The following NEK1 variants were observed in gnomAD, a reference collection of about 807,000 sequenced individuals.
The protein encoded by NEK1 is NIMA related kinase 1, also known as serine/threonine-protein kinase Nek1.
Under a neutral mutation model 182.1 loss-of-function variants are expected in NEK1, and 137 were observed. The observed-to-expected ratio is 0.75, with a 90% CI of 0.65 to 0.87. NEK1 has a LOEUF of 0.87. Ranked by LOEUF, NEK1 falls within the 40% of genes least tolerant of loss-of-function variation. NEK1 has a pLI of 0.00. For synonymous variants in NEK1, 513 were observed against 492.2 expected (o/e 1.04, Z -0.56); for missense variants, 1,391 against 1,494.4 (o/e 0.93, Z 1.14).
chr4:169,400,021 G>T, intron 35 of NEK1: 1 of 590,356 alleles, frequency 1.7e-6, no homozygotes, highest in Non-Finnish European at 3.0e-6. Flanking sequence ...TTAAAAATAT[G>T]GACTTAAAGG....
At chr4:169,514,128 G>A (rs1754686774) in intron 19 of NEK1, among the ~76,000 whole-genome samples, 1 of 152,000 alleles carries the variant, frequency 6.6e-6, no homozygotes, top group South Asian at 2.1e-4. Context: ...TGGGACTACA[G>A]GCGCCTGCCA....
rs191574224 is a variant in NEK1, at chr4:169,508,602, C to T, written c.1749+167G>A. Among the ~76,000 whole-genome samples, 117 of 151,976 alleles carry T rather than the reference C, an allele frequency of 7.7e-4. 2 individuals carry two copies. Among genetic ancestry groups the T allele is most frequent in the African/African-American group, 2.7e-3 (113 of 41,476 alleles). ...TGAAATCATAATATTGAATAAGTTA[C>T]GGGGCAAAATTATAACACAGAATGT... is the stretch of plus-strand genomic sequence containing the variant. On this transcript the variant is annotated intron_variant, in intron 20 of 35. Coordinates refer to ENST00000507142, the MANE Select transcript of NEK1 (RefSeq NM_001199397.3).
At chr4:169,545,216 A>G (rs1372469005) in intron 18 of NEK1, among the ~76,000 whole-genome samples, 1 of 63,790 alleles carries the variant, frequency 1.6e-5, no homozygotes, top group Admixed American at 2.4e-4. Context: ...CCCCCACCCC[A>G]CCACAGTCCC....
intron 19 of NEK1, among the ~76,000 whole-genome samples, chr4:169,522,939 G>A (rs539070436): frequency 2.0e-5 from 3 of 152,222 alleles, no homozygotes; most frequent in South Asian, 2.1e-4. Flanking sequence ...CAAGATATAC[G>A]GGAGACAGAA....
At chr4:169,466,427 G>A (rs1744932796) in intron 26 of NEK1, among the ~76,000 whole-genome samples, 1 of 146,968 alleles carries the variant, frequency 6.8e-6, no homozygotes, top group Non-Finnish European at 1.5e-5. Flanking sequence ...AGAGAAAAAA[G>A]ACACAGAGGA....
intron 5 of NEK1, among the ~76,000 whole-genome samples, chr4:169,594,092 G>T (rs545818671): frequency 6.6e-6 from 1 of 151,990 alleles, no homozygotes; most frequent in Non-Finnish European, 1.5e-5. Context: ...TTCGAAAATG[G>T]GATTCTCTTG....
intron 23 of NEK1, among the ~76,000 whole-genome samples, chr4:169,496,879 T>C (rs975334333): frequency 4.6e-5 from 7 of 152,194 alleles, no homozygotes; most frequent in Non-Finnish European, 8.8e-5. Flanking sequence ...TTTTGTTGTG[T>C]CTCTGCCAGG....
intron 23 of NEK1, among the ~76,000 whole-genome samples, chr4:169,482,494 T>C (rs1748241197): frequency 6.6e-6 from 1 of 151,640 alleles, no homozygotes; most frequent in South Asian, 2.1e-4. Flanking sequence ...TTTTTTTTTT[T>C]AGAGACAGGT....
intron 19 of NEK1, among the ~76,000 whole-genome samples, chr4:169,515,453 T>G (rs1186321197): frequency 6.6e-6 from 1 of 152,188 alleles, no homozygotes; most frequent in South Asian, 2.1e-4. Context: ...CTCTATATTT[T>G]AAAGTATGGT....
chr4:169,446,750 G>C (rs1288747633), intron 27 of NEK1, among the ~76,000 whole-genome samples: 1 of 152,104 alleles, frequency 6.6e-6, no homozygotes, highest in South Asian at 2.1e-4. Flanking sequence ...CTGGAGCTGA[G>C]AAATGCAACT....
chr4:169,585,141 A>C (rs1767322069), intron 10 of NEK1, among the ~76,000 whole-genome samples: 1 of 152,248 alleles, frequency 6.6e-6, no homozygotes, highest in East Asian at 1.9e-4. Context: ...GTGAGCTATG[A>C]TTTTGCCATT....
At chr4:169,555,887 T>C in intron 17 of NEK1, 36 bp from the exon 18 acceptor site, 1 of 1,613,536 alleles carries the variant, frequency 6.2e-7, no homozygotes, top group Non-Finnish European at 8.5e-7. Flanking sequence ...TTCATTACTA[T>C]CTCAGAAGCA....
intron 12 of NEK1, chr4:169,576,493 T>A (rs1480987471): frequency 6.5e-6 from 1 of 154,662 alleles, no homozygotes; most frequent in Non-Finnish European, 1.4e-5. Context: ...ATTCTACAGG[T>A]CTTCATTTTT....
At chr4:169,603,705 C>CTTTT (rs1311075135) in intron 2 of NEK1, among the ~76,000 whole-genome samples, 2 of 123,656 alleles carry the variant, frequency 1.6e-5, no homozygotes, top group African/African-American at 7.9e-5. Context: ...ATTTATTGAA[C>CTTTT]ATTTTTTTTT....
chr4:169,497,399 T>TC (rs1395526524), intron 23 of NEK1, among the ~76,000 whole-genome samples: 1 of 152,118 alleles, frequency 6.6e-6, no homozygotes, highest in African/African-American at 2.4e-5. Context: ...TGTGTCTCTA[T>TC]TTCCTTCAGT....
chr4:169,497,785 T>A (rs753599448), intron 23 of NEK1, among the ~76,000 whole-genome samples: 5 of 152,222 alleles, frequency 3.3e-5, no homozygotes, highest in Non-Finnish European at 7.3e-5. Context: ...TGTTATAATT[T>A]CTGTTCTTTT....
intron 2 of NEK1, among the ~76,000 whole-genome samples, chr4:169,611,266 G>A (rs1375276620): frequency 6.6e-6 from 1 of 152,016 alleles, no homozygotes; most frequent in African/African-American, 2.4e-5. Flanking sequence ...GACTTTTAAC[G>A]TGAAAAAAAC....
intron 4 of NEK1, among the ~76,000 whole-genome samples, chr4:169,600,170 T>G (rs536272410): frequency 6.6e-6 from 1 of 152,314 alleles, no homozygotes; most frequent in East Asian, 1.9e-4. Flanking sequence ...TCTCACTTCT[T>G]TCACTGACTG....
At chr4:169,456,120 G>A (rs996514171) in intron 27 of NEK1, among the ~76,000 whole-genome samples, 1 of 151,996 alleles carries the variant, frequency 6.6e-6, no homozygotes, top group African/African-American at 2.4e-5. Context: ...ATAAACAGTG[G>A]GTCAATGAAG....
Sources: gnomAD v4.1 joint callset for allele counts (sites outside exome capture counted in the v4.1 genomes callset) on GRCh38, gnomAD v4.1.1 for gene constraint, MANE v1.5 for transcripts, NCBI Gene and HGNC (gene_info 2026-07-23, HGNC 2026-07-21) for gene names.